The following KIF26B variants were observed in gnomAD, a reference collection of about 807,000 sequenced individuals.
The protein encoded by KIF26B is kinesin-like protein KIF26B.
In KIF26B, 63 loss-of-function variants were observed where a neutral mutation model predicts 151.2. That is an observed-to-expected ratio of 0.42 (90% confidence interval 0.34 to 0.51). The LOEUF (loss-of-function observed/expected upper bound fraction) is 0.51, where lower values mean the gene tolerates loss of function less well. Ranked by LOEUF, KIF26B falls within the 20% of genes least tolerant of loss-of-function variation. The pLI is 0.07. For synonymous variants in KIF26B, 1,357 were observed against 1,262.1 expected, an observed-to-expected ratio of 1.08 and a Z score of -1.59; for missense variants, 2,813 against 2,913.6, an observed-to-expected ratio of 0.97 and a Z score of 0.79.
At chr1:245,682,990 T>C (rs868314388) in intron 10 of KIF26B, among the ~76,000 whole-genome samples, 2 of 152,210 alleles carry the variant, frequency 1.3e-5, no homozygotes, top group Admixed American at 6.5e-5. Context: ...AGCCCTGGTA[T>C]ATTCTTACAT....
At chr1:245,683,307 A>C (rs1046430314) in intron 10 of KIF26B, among the ~76,000 whole-genome samples, 1 of 144,990 alleles carries the variant, frequency 6.9e-6, no homozygotes, top group East Asian at 2.0e-4. Flanking sequence ...CATGGGAAAT[A>C]GGCTTCCTCA....
chr1:245,267,743 T>C (rs1158919450), intron 2 of KIF26B, among the ~76,000 whole-genome samples: 1 of 151,632 alleles, frequency 6.6e-6, no homozygotes, highest in Non-Finnish European at 1.5e-5. Flanking sequence ...TCCAAGGACT[T>C]GGAACATATT....
chr1:245,350,197 C>T (rs1429476972), intron 2 of KIF26B, among the ~76,000 whole-genome samples: 1 of 152,116 alleles, frequency 6.6e-6, no homozygotes, highest in African/African-American at 2.4e-5. Context: ...GTGCACAGGG[C>T]TGAGGACCTT....
chr1:245,517,163 C>A (rs968164372), intron 4 of KIF26B, among the ~76,000 whole-genome samples: 1 of 152,140 alleles, frequency 6.6e-6, no homozygotes, highest in African/African-American at 2.4e-5. Flanking sequence ...TCGAGACCAG[C>A]CTGGTCAACA....
intron 5 of KIF26B, among the ~76,000 whole-genome samples, chr1:245,590,901 G>A (rs1416790886): frequency 1.6e-5 from 2 of 127,784 alleles, no homozygotes; most frequent in Non-Finnish European, 3.2e-5. Context: ...GTGAGATCCT[G>A]TCTCAAAAAA....
chr1:245,609,363 C>T lies in KIF26B; in HGVS notation c.1749C>T (p.Arg583=). 1.2e-6 allele frequency: 2 copies of T among 1,610,880 alleles called. No individual in the cohort carries two copies. Among genetic ancestry groups the T allele is most frequent in the Non-Finnish European group, 1.7e-6 (2 of 1,178,642 alleles). The stretch of plus-strand genomic sequence containing the variant: ...GGCTCTTCAAGCTCATAAACGAACG[C>T]AAGGAAAAGACCGGCGCCCGTTTCT... The part of the protein sequence containing the change: ...ISWLFKLINE[R]KEKTGARFSV... Residue 583 remains arginine (R), a synonymous_variant, in exon 8 of 15, where the codon CGC becomes CGT. Transcript: ENST00000407071.
chr1:245,196,020 G>A (rs1229477371), intron 2 of KIF26B, among the ~76,000 whole-genome samples: 1 of 152,136 alleles, frequency 6.6e-6, no homozygotes, highest in Non-Finnish European at 1.5e-5. Flanking sequence ...TTATCCTCGA[G>A]GTCCTTCAGG....
Position 245,367,181 on chromosome 1 carries a change from T to C in KIF26B, c.813T>C (p.Leu271=). ...AGCACGGCAGCAAACCCAGCAGCCTTGGGGTCAGCAATGGGGCGGAAAAGA... is the reference window on the plus strand; with the variant it reads ...AGCACGGCAGCAAACCCAGCAGCCTCGGGGTCAGCAATGGGGCGGAAAAGA... ...ANKHGSKPSS[L]GVSNGAEKKS... is the part of the protein sequence containing the mutation. The change falls in exon 3 of 15, where the codon CTT becomes CTC. Residue 271 remains leucine, a synonymous_variant. Transcript: ENST00000407071. The surrounding 1 kb of genome is among the most constrained non-coding windows in gnomAD (Gnocchi z 4.2). 6.2e-7 allele frequency: 1 copy of C among 1,608,238 alleles called. No individual in the cohort carries two copies. The highest frequency in any genetic ancestry group is 8.5e-7 in the Non-Finnish European group (1 of 1,177,482).
chr1:245,649,558 G>A (rs1489956480), intron 10 of KIF26B, among the ~76,000 whole-genome samples: 1 of 152,180 alleles, frequency 6.6e-6, no homozygotes, highest in African/African-American at 2.4e-5. Flanking sequence ...TTTGCAGTGC[G>A]TTCCTTAGAG....
rs1672995679 is a variant in KIF26B at position 245,367,707 on chromosome 1, G to A, written c.999+340G>A. ...TACCACATGGCAGAGCCATGAAGAG[G>A]TAGGCCACACAGATACTTGGACTGG... On this transcript the variant is annotated intron_variant, in intron 3 of 14. Transcript: ENST00000407071. The surrounding 1 kb of genome is among the most constrained non-coding windows in gnomAD (Gnocchi z 4.2). 6.6e-6 allele frequency among the ~76,000 whole-genome samples: 1 copy of A among 152,226 alleles called. No individual in the cohort carries two copies. Among genetic ancestry groups the A allele is most frequent in the Admixed American group, 6.5e-5 (1 of 15,290 alleles).
intron 5 of KIF26B, among the ~76,000 whole-genome samples, chr1:245,554,708 T>G (rs1661978292): frequency 6.6e-6 from 1 of 152,172 alleles, no homozygotes; most frequent in Non-Finnish European, 1.5e-5. Flanking sequence ...CTAATATTCC[T>G]CCAGTATTCA....
chr1:245,659,191 T>A (rs2044106920), intron 10 of KIF26B, among the ~76,000 whole-genome samples: 1 of 152,142 alleles, frequency 6.6e-6, no homozygotes, highest in Middle Eastern at 3.2e-3. Flanking sequence ...TCAGCTATGA[T>A]CATGCCACTA....
rs573439402 is a variant in KIF26B, at chr1:245,167,057, C to T, written c.465+10374C>T. Among the ~76,000 whole-genome samples the T allele has an allele frequency of 3.9e-5, 6 of 152,286 alleles. No homozygotes were observed. In the East Asian group the frequency reaches 9.6e-4, roughly 24 times the overall value. ...GGACTATTTTGATTTTCCTTTTCTACTTATTGGAGTTTACGTTCAATACTG... is the reference window on the plus strand; with the variant it reads ...GGACTATTTTGATTTTCCTTTTCTATTTATTGGAGTTTACGTTCAATACTG... On this transcript the variant is annotated intron_variant, in intron 2 of 14. Coordinates refer to ENST00000407071, the MANE Select transcript of KIF26B (RefSeq NM_018012.4). This position sits in a 1 kb window ranked among gnomAD's most constrained non-coding sequence, Gnocchi z 4.2.
chr1:245,517,339 A>G (rs1168175689), intron 4 of KIF26B, among the ~76,000 whole-genome samples: 2 of 151,126 alleles, frequency 1.3e-5, no homozygotes, highest in Non-Finnish European at 2.9e-5. Flanking sequence ...TGGGTGAGAG[A>G]GTGAGACTCT....
intron 10 of KIF26B, among the ~76,000 whole-genome samples, chr1:245,660,225 G>A (rs939401342): frequency 5.4e-5 from 2 of 37,148 alleles, no homozygotes; most frequent in African/African-American, 2.7e-4. Flanking sequence ...GAAACTGCCT[G>A]TTAGTAATAG....
intron 2 of KIF26B, among the ~76,000 whole-genome samples, chr1:245,195,756 C>G (rs1241628691): frequency 2.0e-5 from 3 of 152,128 alleles, no homozygotes; most frequent in African/African-American, 4.8e-5. Context: ...AGTTTACCAT[C>G]CAGAAGGGAA....
In KIF26B at chr1:245,486,611, G is replaced by A. The variant is rs114520349; in HGVS notation, c.1167-54156G>A. ...CCAGTAAAGTAGTTATTACTTTATG[G>A]GTGAAGAAATGAAGGTTCAGCTTTA... On this transcript the variant is annotated intron_variant, in intron 4 of 14. Transcript: ENST00000407071. Among the ~76,000 whole-genome samples, 888 of 152,162 alleles carry A rather than the reference G, an allele frequency of 5.8e-3. 5 individuals carry two copies. Among genetic ancestry groups the A allele is most frequent in the Middle Eastern group, 0.014 (4 of 290 alleles).
In KIF26B at chr1:245,667,960, A is replaced by G. The variant is rs2044235270; in HGVS notation, c.2259-16273A>G. Among the ~76,000 whole-genome samples, 1 of 152,224 alleles carries G rather than the reference A, an allele frequency of 6.6e-6. No homozygotes were observed. Among genetic ancestry groups the G allele is most frequent in the East Asian group, 1.9e-4 (1 of 5,156 alleles). On this transcript the variant is annotated intron_variant, in intron 10 of 14. Transcript: ENST00000407071. The surrounding 1 kb of genome is among the most constrained non-coding windows in gnomAD (Gnocchi z 4.3). ...GGCTGGAGTGCAGTGCAGTGGCGCA[A>G]TCTCAGCTCACTGCAACTTCCACCT...
At chr1:245,430,509 T>C (rs1756919) in intron 4 of KIF26B, among the ~76,000 whole-genome samples, 37,511 of 151,410 alleles carry the variant, frequency 0.25, 5,060 homozygotes, top group African/African-American at 0.33. Flanking sequence ...TGGAGAAAAA[T>C]TTAAAAAAGC....
Sources: gnomAD v4.1 joint callset for allele counts (sites outside exome capture counted in the v4.1 genomes callset) on GRCh38, gnomAD v4.1.1 for gene constraint, Gnocchi (gnomAD v3.1) non-coding constraint, MANE v1.5 for transcripts, NCBI Gene and HGNC (gene_info 2026-07-23, HGNC 2026-07-21) for gene names.